The following CAPN2 variants were observed in gnomAD, a reference collection of about 807,000 sequenced individuals.
CAPN2 encodes the protein calpain 2, also known as calpain-2 catalytic subunit.
Under a neutral mutation model 102.3 loss-of-function variants are expected in CAPN2, and 92 were observed. The observed-to-expected ratio is 0.90, with a 90% CI of 0.76 to 1.07. The LOEUF is 1.07. Among genes scored for constraint, CAPN2 ranks in the 50% least tolerant of loss-of-function variants. CAPN2 has a pLI of 0.00. For synonymous variants in CAPN2, 340 were observed against 355.4 expected (o/e 0.96, Z 0.49); for missense variants, 800 against 909.4 (o/e 0.88, Z 1.55).
chr1:223,766,275 G>A, intron 15 of CAPN2, 92 bp from the exon 16 acceptor site: 2 of 930,576 alleles, frequency 2.1e-6, no homozygotes, highest in Middle Eastern at 2.5e-4. Flanking sequence ...TATGTGAAGG[G>A]CACAGATAAA....
At chr1:223,767,333 T>G (rs1418233331) in intron 16 of CAPN2, among the ~76,000 whole-genome samples, 2 of 73,286 alleles carry the variant, frequency 2.7e-5, no homozygotes, top group Admixed American at 1.9e-4. Context: ...ATGCCATCCC[T>G]CCCCCCTCCC....
At position 223,764,208 on chromosome 1, in the gene CAPN2, G is replaced by T. The variant is rs748554233; in HGVS notation, c.1690+1G>T. 1 of 1,613,102 alleles carries T rather than the reference G, an allele frequency of 6.2e-7. No individual in the cohort carries two copies. The highest frequency in any genetic ancestry group is 1.1e-5 in the South Asian group (1 of 91,074). On this transcript the variant is annotated splice_donor_variant, in intron 15 of 20. Coordinates refer to ENST00000295006, the MANE Select transcript of CAPN2 (RefSeq NM_001748.5). LOFTEE classifies it high-confidence loss of function. ...ATCCTGAGAAGGGTTCTAGCAAAGC[G>T]TGAGTATCCCCTCATTGCAAAACCT...
chr1:223,773,417 G>A (rs1021092990), intron 20 of CAPN2, among the ~76,000 whole-genome samples: 1 of 152,238 alleles, frequency 6.6e-6, no homozygotes, highest in African/African-American at 2.4e-5. Context: ...ATTAGGGCTG[G>A]GCGCGGTGGC....
chr1:223,748,140 G>A (rs2102799559), intron 5 of CAPN2, among the ~76,000 whole-genome samples: 1 of 152,278 alleles, frequency 6.6e-6, no homozygotes, highest in South Asian at 2.1e-4. Context: ...ATAGGCCCGT[G>A]GGAGACTTCG....
In CAPN2 at chr1:223,754,478, A is replaced by C. The variant is rs1218858530; in HGVS notation, c.1136-1002A>C. The stretch of plus-strand genomic sequence containing the variant: ...CTATTGCTATAACCCAAAGGCAGCC[A>C]TACTTAAGCGAATGGCCGTGGCTAC... On this transcript the variant is annotated intron_variant, in intron 9 of 20. Transcript: ENST00000295006. This position sits in a 1 kb window ranked among gnomAD's most constrained non-coding sequence, Gnocchi z 4.7. 1.3e-5 allele frequency among the ~76,000 whole-genome samples: 2 copies of C among 152,250 alleles called. No individual in the cohort carries two copies. The highest frequency in any genetic ancestry group is 4.8e-5 in the African/African-American group (2 of 41,472).
chr1:223,770,503 G>A lies in CAPN2; in HGVS notation c.1881G>A (p.Met627Ile), dbSNP rs762248491. The A allele has an allele frequency of 6.2e-7, 1 of 1,613,600 alleles. No individual in the cohort carries two copies. The change falls in exon 18 of 21, where the codon ATG (methionine) becomes ATA (isoleucine). Residue 627 changes from methionine (M) to isoleucine (I), a missense_variant. Transcript: ENST00000295006. Reference sequence around the variant, plus strand: ...CTGGTACCATGAATTCCTATGAAATGCGGAAGGCATTAGAAGAAGCAGGTA... The same window carrying A: ...CTGGTACCATGAATTCCTATGAAATACGGAAGGCATTAGAAGAAGCAGGTA... The part of the protein sequence containing the change: ...DRSGTMNSYE[M>I]RKALEEAGFK...
intron 18 of CAPN2, 47 bp from the exon 19 acceptor site, chr1:223,771,762 A>T: frequency 8.4e-7 from 1 of 1,191,486 alleles, no homozygotes; most frequent in Non-Finnish European, 1.3e-6. Context: ...AGCTAAATGG[A>T]ACAATCTAAT....
chr1:223,712,794 C>T lies in CAPN2; in HGVS notation c.154C>T (p.Pro52Ser). The change falls in exon 1 of 21, where the codon CCG (proline) becomes TCG (serine). Residue 52 changes from proline to serine, a missense_variant. Coordinates refer to ENST00000295006, the MANE Select transcript of CAPN2 (RefSeq NM_001748.5). ...AGTLFQDPSF[P>S]AIPSALGFKE... ...GACGCTCTTCCAGGACCCGTCCTTCCCGGCCATCCCCTCGGCCCTGGGCTT... is the reference window on the plus strand; with the variant it reads ...GACGCTCTTCCAGGACCCGTCCTTCTCGGCCATCCCCTCGGCCCTGGGCTT... 6.3e-7 allele frequency: 1 copy of T among 1,581,750 alleles called. No homozygotes were observed. The highest frequency in any genetic ancestry group is 2.4e-5 in the East Asian group (1 of 41,754).
intron 2 of CAPN2, among the ~76,000 whole-genome samples, chr1:223,732,215 C>A (rs1349011428): frequency 6.9e-6 from 1 of 145,822 alleles, no homozygotes; most frequent in Non-Finnish European, 1.6e-5. Flanking sequence ...TGATCTAGAA[C>A]TAAGAAAGGG....
chr1:223,739,529 C>G (rs1660554470), intron 2 of CAPN2, among the ~76,000 whole-genome samples: 1 of 152,074 alleles, frequency 6.6e-6, no homozygotes, highest in Non-Finnish European at 1.5e-5. Flanking sequence ...GAGCTTGTAA[C>G]AACTGAACAT....
rs777811894 is a variant in CAPN2, at chr1:223,745,469, G to A, written c.560+30G>A. ...GTTGCCATCCTCCCCTGGCCCCATG[G>A]CCTTCCCCCAATGCCCTGGATTCCA... On this transcript the variant is annotated intron_variant, in intron 4 of 20. Coordinates refer to ENST00000295006, the MANE Select transcript of CAPN2 (RefSeq NM_001748.5). 2.5e-6 allele frequency: 4 copies of A among 1,613,636 alleles called. No homozygotes were observed. The South Asian group carries it at 3.3e-5, about 13-fold the overall frequency.
chr1:223,713,611 G>A (rs1659798521), intron 1 of CAPN2, among the ~76,000 whole-genome samples: 1 of 152,114 alleles, frequency 6.6e-6, no homozygotes, highest in Non-Finnish European at 1.5e-5. Context: ...GTTTCTTGGG[G>A]AACCCCTGAG....
chr1:223,702,106 G>GA (rs1250005779), intron 1 of CAPN2, among the ~76,000 whole-genome samples: 1 of 6,436 alleles, frequency 1.6e-4, no homozygotes, highest in Non-Finnish European at 8.3e-4. Context: ...AAGAAGGAAA[G>GA]AAGGAAGGAA....
At chr1:223,709,682 T>C, upstream of CAPN2, among the ~76,000 whole-genome samples, 1 of 142,552 alleles carries the variant, frequency 7.0e-6, no homozygotes, top group Non-Finnish European at 1.5e-5. Flanking sequence ...AAGAGTCCAT[T>C]TAACTTGATT....
intron 20 of CAPN2, chr1:223,773,276 G>C (rs1661528827): frequency 6.6e-6 from 1 of 152,158 alleles, no homozygotes; most frequent in African/African-American, 2.4e-5. Flanking sequence ...AAAAAATTAG[G>C]CTGGCCGCAG....
upstream of CAPN2, among the ~76,000 whole-genome samples, chr1:223,709,182 G>A (rs1659677241): frequency 6.6e-6 from 1 of 152,090 alleles, no homozygotes; most frequent in Admixed American, 6.5e-5. Flanking sequence ...TTGGGGGCAA[G>A]CAGCATTCAG....
At chr1:223,734,199 C>A (rs963376839) in intron 2 of CAPN2, among the ~76,000 whole-genome samples, 2 of 152,242 alleles carry the variant, frequency 1.3e-5, no homozygotes, top group African/African-American at 4.8e-5. Context: ...TGGGTGGCCA[C>A]TCTTCTTTGT....
intron 5 of CAPN2, 100 bp downstream of exon 5, chr1:223,747,265 A>G: frequency 8.4e-7 from 1 of 1,195,026 alleles, no homozygotes; most frequent in South Asian, 2.0e-5. Context: ...TGTACAACGT[A>G]ATGCAGCCCT....
rs745412257 is a variant in CAPN2, at chr1:223,770,456, C to T, written c.1834C>T (p.Arg612Ter). 23 of 1,612,694 alleles carry T rather than the reference C, an allele frequency of 1.4e-5. No homozygotes were observed. Among genetic ancestry groups the T allele is most frequent in the Non-Finnish European group, 1.9e-5 (22 of 1,179,284 alleles). ...TKIQKYQKIY[R>*]EIDVDRSGTM... The stretch of plus-strand genomic sequence containing the variant: ...AACTTATGTGTTCCAGAAAATTTAC[C>T]GAGAAATCGACGTTGACAGGTCTGG... Residue 612 changes from arginine (R) to a stop codon, truncating the protein, a stop_gained, in exon 18 of 21, where the codon CGA becomes TGA. Transcript: ENST00000295006. LOFTEE classifies it high-confidence loss of function.
Sources: allele counts gnomAD v4.1 joint callset (sites outside exome capture counted in the v4.1 genomes callset), GRCh38; gene constraint gnomAD v4.1.1; non-coding constraint Gnocchi (gnomAD v3.1); transcripts MANE v1.5; gene names NCBI Gene and HGNC (gene_info 2026-07-23, HGNC 2026-07-21).